Variants in GRM3 observed in about 807,000 individuals in gnomAD.
GRM3 encodes glutamate metabotropic receptor 3.
In GRM3, 26 loss-of-function variants were observed where a neutral mutation model predicts 70.5. The ratio of observed to expected loss-of-function variants is 0.37; its 90% CI spans 0.27 to 0.51. GRM3 has a LOEUF of 0.51. GRM3 is among the 20% of genes least tolerant of loss of function. The pLI is 0.93. For synonymous variants in GRM3, 443 were observed against 434.9 expected (o/e 1.02, Z -0.23); for missense variants, 859 against 1,123.8 (o/e 0.76, Z 3.37).
chr7:86,801,641 C>G (rs747792682), intron 3 of GRM3, among the ~76,000 whole-genome samples: 6 of 152,152 alleles, frequency 3.9e-5, no homozygotes, highest in Non-Finnish European at 5.9e-5. Context: ...CATCAAGTAT[C>G]TTAGCAACTA....
chr7:86,688,322 T>G (rs1386644173), intron 1 of GRM3, among the ~76,000 whole-genome samples: 1 of 151,606 alleles, frequency 6.6e-6, no homozygotes. Flanking sequence ...CTACCATATA[T>G]TAACAAAAAG....
intron 5 of GRM3, among the ~76,000 whole-genome samples, chr7:86,858,261 CATG>C (rs1798889363): frequency 6.6e-6 from 1 of 151,936 alleles, no homozygotes; most frequent in Non-Finnish European, 1.5e-5. Context: ...TGGCCAAGAA[CATG>C]ATATTTTAAA....
chr7:86,848,658 G>A (rs1798702015), intron 4 of GRM3, among the ~76,000 whole-genome samples: 1 of 152,042 alleles, frequency 6.6e-6, no homozygotes, highest in Non-Finnish European at 1.5e-5. Flanking sequence ...CAAGACATAA[G>A]CCCAAGACCA....
intron 1 of GRM3, among the ~76,000 whole-genome samples, chr7:86,658,120 T>A (rs1793793845): frequency 5.9e-5 from 9 of 152,186 alleles, no homozygotes; most frequent in Admixed American, 5.9e-4. Flanking sequence ...GCCAACATAG[T>A]CTCTCTCCAG....
chr7:86,679,201 T>G (rs1171752359), intron 1 of GRM3, among the ~76,000 whole-genome samples: 1 of 152,098 alleles, frequency 6.6e-6, no homozygotes, highest in Non-Finnish European at 1.5e-5. Context: ...GACAGGCATA[T>G]CATATCTGTA....
chr7:86,674,090 A>T (rs151318656), intron 1 of GRM3, among the ~76,000 whole-genome samples: 7 of 152,196 alleles, frequency 4.6e-5, no homozygotes, highest in African/African-American at 1.4e-4. Flanking sequence ...AGCATTTATT[A>T]TTCTTCCTCA....
chr7:86,682,144 C>T (rs1794456970), intron 1 of GRM3, among the ~76,000 whole-genome samples: 2 of 152,192 alleles, frequency 1.3e-5, no homozygotes, highest in African/African-American at 4.8e-5. Flanking sequence ...ATTAAATAGA[C>T]AGATGATAGA....
intron 1 of GRM3, among the ~76,000 whole-genome samples, chr7:86,650,506 A>G (rs1172744743): frequency 2.6e-5 from 4 of 152,170 alleles, no homozygotes; most frequent in African/African-American, 9.6e-5. Flanking sequence ...CCCAGGCTCA[A>G]GATCTTTCTC....
At chr7:86,675,452 C>A (rs929323612) in intron 1 of GRM3, among the ~76,000 whole-genome samples, 3 of 152,124 alleles carry the variant, frequency 2.0e-5, no homozygotes, top group Admixed American at 2.0e-4. Context: ...GCCTGAGAAC[C>A]AGCAAACAAA....
chr7:86,725,489 A>G (rs1161039212), intron 1 of GRM3, among the ~76,000 whole-genome samples: 2 of 152,162 alleles, frequency 1.3e-5, no homozygotes, highest in Non-Finnish European at 2.9e-5. Context: ...CCTAGCCTCA[A>G]AGGCCACATA....
intron 1 of GRM3, among the ~76,000 whole-genome samples, chr7:86,697,672 A>C (rs1794849921): frequency 1.3e-5 from 2 of 152,128 alleles, no homozygotes. Context: ...ACCTAGAGGT[A>C]ATATTACTAA....
chr7:86,799,345 T>A (rs1201259545), intron 3 of GRM3, among the ~76,000 whole-genome samples: 1 of 152,178 alleles, frequency 6.6e-6, no homozygotes, highest in African/African-American at 2.4e-5. Flanking sequence ...TTTATTCCTT[T>A]CTCTTGACTA....
At chr7:86,690,746 T>C (rs1794678061) in intron 1 of GRM3, among the ~76,000 whole-genome samples, 1 of 152,036 alleles carries the variant, frequency 6.6e-6, no homozygotes, top group Non-Finnish European at 1.5e-5. Context: ...GTTTTGGATA[T>C]ATTATACTTA....
At chr7:86,654,426 C>T (rs1418330328) in intron 1 of GRM3, among the ~76,000 whole-genome samples, 1 of 152,162 alleles carries the variant, frequency 6.6e-6, no homozygotes, top group East Asian at 1.9e-4. Flanking sequence ...CAGAGCCTGG[C>T]TTTCTTGACC....
In GRM3 at chr7:86,681,070, C is replaced by T. The variant is rs555463640; in HGVS notation, c.-141+36198C>T. On this transcript the variant is annotated intron_variant, in intron 1 of 5. Coordinates refer to ENST00000361669, the MANE Select transcript of GRM3 (RefSeq NM_000840.3). ...TAGCAGGATTAACAACACACCCACA[C>T]AGTAAATAGGATGATTTTCTTCTCA... Among the ~76,000 whole-genome samples the T allele has an allele frequency of 6.6e-5, 10 of 152,274 alleles. No homozygotes were observed. The South Asian group carries it at 1.9e-3, about 28-fold the overall frequency.
chr7:86,806,138 C>A (rs1441617701), intron 3 of GRM3, among the ~76,000 whole-genome samples: 2 of 152,152 alleles, frequency 1.3e-5, no homozygotes, highest in African/African-American at 4.8e-5. Context: ...TTTCTTAATC[C>A]AGTCTATCAT....
intron 3 of GRM3, among the ~76,000 whole-genome samples, chr7:86,793,368 A>G (rs545159219): frequency 3.3e-5 from 5 of 152,316 alleles, no homozygotes; most frequent in African/African-American, 1.2e-4. Context: ...AGGCACAGTG[A>G]GGAAGCCAAA....
In GRM3 at chr7:86,765,091, G is replaced by A. The variant is rs370946159; in HGVS notation, c.-55G>A. On this transcript the variant is annotated 5_prime_UTR_variant, in exon 2 of 6. It removes the in-frame stop codon of an upstream open reading frame in the 5' UTR. Coordinates refer to ENST00000361669, the MANE Select transcript of GRM3 (RefSeq NM_000840.3). ...CCAGTTTGGAAATGAGAGAGGACTAGCATGACACATTGGCTCCACCATTGA... is the reference window on the plus strand; with the variant it reads ...CCAGTTTGGAAATGAGAGAGGACTAACATGACACATTGGCTCCACCATTGA... The A allele has an allele frequency of 3.5e-4, 527 of 1,519,302 alleles. 2 individuals carry two copies. In the East Asian group the frequency reaches 7.3e-3, roughly 21 times the overall value. 94.1% of individuals were successfully genotyped at this position (1,519,302 alleles called of 1,614,324 possible). A position where few individuals can be genotyped will look rare whatever the true frequency, so the allele number is the denominator to read the frequency against.
chr7:86,771,937 A>G (rs1458175653), intron 2 of GRM3, among the ~76,000 whole-genome samples: 1 of 152,102 alleles, frequency 6.6e-6, no homozygotes, highest in Non-Finnish European at 1.5e-5. Flanking sequence ...TCATCCACCT[A>G]GAATGCAGTG....
Sources: gnomAD v4.1 joint callset for allele counts (sites outside exome capture counted in the v4.1 genomes callset) on GRCh38, gnomAD v4.1.1 for gene constraint, MANE v1.5 for transcripts, NCBI Gene and HGNC (gene_info 2026-07-23, HGNC 2026-07-21) for gene names.